The following LHFPL6 variants were observed in gnomAD, a reference collection of about 807,000 sequenced individuals.
LHFPL6 encodes LHFPL tetraspan subfamily member 6 protein.
In LHFPL6, 9 loss-of-function variants were observed where a neutral mutation model predicts 20.6. The ratio of observed to expected loss-of-function variants is 0.44; its 90% confidence interval spans 0.26 to 0.76. The LOEUF (loss-of-function observed/expected upper bound fraction) is 0.76, where lower values mean the gene tolerates loss of function less well. Among genes scored for constraint, LHFPL6 ranks in the 30% least tolerant of loss-of-function variants. The probability of loss-of-function intolerance (pLI) is 0.20; values close to 1 mark genes in which losing one functional copy is unlikely to be tolerated. For missense variants in LHFPL6, 218 were observed against 253.5 expected, an observed-to-expected ratio of 0.86 and a Z score of 0.95; for synonymous variants, 105 against 98.7, an observed-to-expected ratio of 1.06 and a Z score of -0.38.
intron 3 of LHFPL6, among the ~76,000 whole-genome samples, chr13:39,348,651 G>T (rs953678139): frequency 3.3e-5 from 5 of 152,168 alleles, no homozygotes; most frequent in African/African-American, 4.8e-5. Flanking sequence ...GATCTAAGGA[G>T]TGAATGAACA....
At chr13:39,557,817 C>T (rs1164388088) in intron 2 of LHFPL6, among the ~76,000 whole-genome samples, 4 of 152,188 alleles carry the variant, frequency 2.6e-5, no homozygotes, top group Non-Finnish European at 4.4e-5. Context: ...CTTGGAAGCC[C>T]TCATGAACGG....
At chr13:39,470,853 T>C (rs1219643999) in intron 2 of LHFPL6, among the ~76,000 whole-genome samples, 1 of 152,230 alleles carries the variant, frequency 6.6e-6, no homozygotes, top group Non-Finnish European at 1.5e-5. Flanking sequence ...TTATGGAGAA[T>C]ACTAAACATT....
intron 2 of LHFPL6, among the ~76,000 whole-genome samples, chr13:39,548,544 C>T (rs899881115): frequency 6.6e-6 from 1 of 152,080 alleles, no homozygotes; most frequent in African/African-American, 2.4e-5. Context: ...TGAGCTTTTT[C>T]CCTTATTATT....
chr13:39,373,617 A>G (rs1870214706), intron 3 of LHFPL6, among the ~76,000 whole-genome samples: 1 of 152,206 alleles, frequency 6.6e-6, no homozygotes, highest in Non-Finnish European at 1.5e-5. Flanking sequence ...AGCTGCCTTG[A>G]GAGCCGCAGG....
chr13:39,509,557 T>C (rs1254069331), intron 2 of LHFPL6, among the ~76,000 whole-genome samples: 1 of 152,218 alleles, frequency 6.6e-6, no homozygotes, highest in East Asian at 1.9e-4. Flanking sequence ...TGCTATTTTA[T>C]ATTTCTTTTA....
At chr13:39,365,113 G>A (rs559959648) in intron 3 of LHFPL6, among the ~76,000 whole-genome samples, 33 of 152,248 alleles carry the variant, frequency 2.2e-4, no homozygotes, top group African/African-American at 7.5e-4. Context: ...TATAAAGGCT[G>A]GAAATACCTG....
chr13:39,495,340 G>A (rs1238769212), intron 2 of LHFPL6, among the ~76,000 whole-genome samples: 1 of 152,092 alleles, frequency 6.6e-6, no homozygotes, highest in African/African-American at 2.4e-5. Context: ...CTGACCGGTT[G>A]ATTTCATTTA....
chr13:39,475,399 A>G (rs1383665461), intron 2 of LHFPL6, among the ~76,000 whole-genome samples: 6 of 152,100 alleles, frequency 3.9e-5, no homozygotes, highest in Non-Finnish European at 8.8e-5. Context: ...TGAGGTAACA[A>G]ATTCTTTCCA....
intron 2 of LHFPL6, among the ~76,000 whole-genome samples, chr13:39,562,833 G>A (rs909847234): frequency 8.6e-5 from 13 of 151,676 alleles, no homozygotes; most frequent in East Asian, 5.8e-4. Context: ...CCACCAGAGC[G>A]CCATTCAGTT....
intron 2 of LHFPL6, among the ~76,000 whole-genome samples, chr13:39,426,497 G>T (rs1221246127): frequency 6.6e-6 from 1 of 152,082 alleles, no homozygotes; most frequent in African/African-American, 2.4e-5. Context: ...GGGGATTAAA[G>T]GTGTGAGCCA....
intron 2 of LHFPL6, among the ~76,000 whole-genome samples, chr13:39,570,297 C>T (rs1445435620): frequency 6.6e-6 from 1 of 152,080 alleles, no homozygotes; most frequent in Admixed American, 6.6e-5. Context: ...TGAGCCATCA[C>T]TTTAAATTTT....
chr13:39,346,562 A>C (rs2138332977), intron 3 of LHFPL6, among the ~76,000 whole-genome samples: 1 of 152,220 alleles, frequency 6.6e-6, no homozygotes. Flanking sequence ...CTCCTTAATA[A>C]GTAGCAAGTC....
At chr13:39,500,880 G>C (rs1449716522) in intron 2 of LHFPL6, among the ~76,000 whole-genome samples, 2 of 152,154 alleles carry the variant, frequency 1.3e-5, no homozygotes, top group Non-Finnish European at 2.9e-5. Flanking sequence ...TCAGACCAGT[G>C]ATTTTCAGAT....
intron 2 of LHFPL6, among the ~76,000 whole-genome samples, chr13:39,502,735 A>G (rs1032582845): frequency 6.6e-6 from 1 of 152,232 alleles, no homozygotes; most frequent in African/African-American, 2.4e-5. Flanking sequence ...AACCAGTATC[A>G]AAAGTTAAAA....
chr13:39,501,843 A>G (rs1439243683), intron 2 of LHFPL6, among the ~76,000 whole-genome samples: 1 of 152,198 alleles, frequency 6.6e-6, no homozygotes, highest in African/African-American at 2.4e-5. Flanking sequence ...CATGAGGCTA[A>G]GAAAAAGAGG....
intron 2 of LHFPL6, among the ~76,000 whole-genome samples, chr13:39,565,387 A>G (rs936839317): frequency 6.6e-6 from 1 of 152,252 alleles, no homozygotes; most frequent in East Asian, 1.9e-4. Flanking sequence ...ACGACAATAC[A>G]GTTCTTAAAT....
intron 3 of LHFPL6, among the ~76,000 whole-genome samples, chr13:39,344,329 G>A (rs1331850048): frequency 2.6e-5 from 4 of 152,150 alleles, no homozygotes. Flanking sequence ...CAAAAATAGA[G>A]AAGAATGGCA....
chr13:39,447,115 T>A (rs934806517), intron 2 of LHFPL6, among the ~76,000 whole-genome samples: 1 of 152,202 alleles, frequency 6.6e-6, no homozygotes, highest in African/African-American at 2.4e-5. Flanking sequence ...TTTTGTTTCA[T>A]ATCAGATGGG....
chr13:39,370,512 C>A (rs1566095877), intron 3 of LHFPL6, among the ~76,000 whole-genome samples: 1 of 152,214 alleles, frequency 6.6e-6, no homozygotes, highest in African/African-American at 2.4e-5. Flanking sequence ...CAATACCTTA[C>A]TATTAACCAA....
Sources: allele counts gnomAD v4.1 joint callset (sites outside exome capture counted in the v4.1 genomes callset), GRCh38; gene constraint gnomAD v4.1.1; transcripts MANE v1.5; gene names NCBI Gene and HGNC (gene_info 2026-07-23, HGNC 2026-07-21).